The following KRABD5 variants were observed in gnomAD, a reference collection of about 807,000 sequenced individuals.
KRABD5 encodes the protein KRAB domain containing 5, also known as KRAB domain-containing protein 5.
At chr16:31,733,814 C>T in the KRABD5 span, among the ~76,000 whole-genome samples, 1 of 152,288 alleles carries the variant, frequency 6.6e-6, no homozygotes, top group South Asian at 2.1e-4. Flanking sequence ...ATTTTGATTG[C>T]TTCCAGGTAT....
the KRABD5 span, among the ~76,000 whole-genome samples, chr16:31,747,309 G>A: frequency 3.3e-5 from 5 of 152,070 alleles, no homozygotes; most frequent in East Asian, 9.6e-4. Flanking sequence ...TCCCTACAAA[G>A]GACATGAACT....
the KRABD5 span, among the ~76,000 whole-genome samples, chr16:31,728,074 C>T: frequency 6.6e-6 from 1 of 152,100 alleles, no homozygotes. Flanking sequence ...AGGCTGGTCT[C>T]CAAATCCTGG....
the KRABD5 span, among the ~76,000 whole-genome samples, chr16:31,746,151 C>T: frequency 6.6e-6 from 1 of 152,080 alleles, no homozygotes; most frequent in Non-Finnish European, 1.5e-5. Context: ...GAATTTGATC[C>T]CGTCATCATG....
the KRABD5 span, among the ~76,000 whole-genome samples, chr16:31,715,460 T>C: frequency 5.3e-5 from 8 of 152,314 alleles, no homozygotes; most frequent in Non-Finnish European, 1.0e-4. Flanking sequence ...TCCCCACTCC[T>C]TTCTCTTGCC....
the KRABD5 span, among the ~76,000 whole-genome samples, chr16:31,732,455 G>C: frequency 2.0e-5 from 3 of 152,080 alleles, no homozygotes; most frequent in African/African-American, 7.2e-5. Context: ...GATTACTAGT[G>C]GGTACCACAT....
At chr16:31,738,679 TA>T in the KRABD5 span, among the ~76,000 whole-genome samples, 2 of 152,160 alleles carry the variant, frequency 1.3e-5, no homozygotes, top group African/African-American at 4.8e-5. Context: ...ATAAAGTAAT[TA>T]CTGAAAGGTA....
the KRABD5 span, among the ~76,000 whole-genome samples, chr16:31,745,058 T>C: frequency 6.6e-6 from 1 of 152,166 alleles, no homozygotes; most frequent in Admixed American, 6.6e-5. Context: ...TGTTAGCTTT[T>C]TCAAAAAACT....
the KRABD5 span, chr16:31,713,408 G>A: frequency 6.2e-7 from 1 of 1,604,066 alleles, no homozygotes; most frequent in Non-Finnish European, 8.5e-7. Context: ...TAGCTCAGAC[G>A]CCAGGACATC....
chr16:31,754,830 G>A, the KRABD5 span: 38 of 469,208 alleles, frequency 8.1e-5, no homozygotes, highest in South Asian at 1.4e-4. Flanking sequence ...TTTAACCATC[G>A]TTCACACCTT....
chr16:31,719,099 G>T, the KRABD5 span, among the ~76,000 whole-genome samples: 2 of 152,164 alleles, frequency 1.3e-5, no homozygotes, highest in Non-Finnish European at 2.9e-5. Context: ...AAAAACATTT[G>T]TAGCAGCCAT....
At chr16:31,739,970 C>T in the KRABD5 span, among the ~76,000 whole-genome samples, 1 of 152,156 alleles carries the variant, frequency 6.6e-6, no homozygotes, top group East Asian at 1.9e-4. Context: ...TATTTTGGCC[C>T]ATCCCTTTAT....
At chr16:31,722,884 A>AT in the KRABD5 span, 1 of 1,124,346 alleles carries the variant, frequency 8.9e-7, no homozygotes, top group Non-Finnish European at 1.2e-6. Context: ...AGGAAAAAAA[A>AT]ATTGTGGGTT....
chr16:31,738,401 T>A, the KRABD5 span, among the ~76,000 whole-genome samples: 36 of 152,178 alleles, frequency 2.4e-4, no homozygotes, highest in Non-Finnish European at 7.4e-5. Flanking sequence ...GCATATATGT[T>A]AATATTTATT....
At chr16:31,737,954 A>C in the KRABD5 span, among the ~76,000 whole-genome samples, 1 of 152,168 alleles carries the variant, frequency 6.6e-6, no homozygotes, top group African/African-American at 2.4e-5. Flanking sequence ...CAAAATCTTG[A>C]ACAAAAGTGT....
chr16:31,726,023 CT>C, the KRABD5 span, among the ~76,000 whole-genome samples: 1 of 152,066 alleles, frequency 6.6e-6, no homozygotes, highest in Non-Finnish European at 1.5e-5. Context: ...GTTGATTGTG[CT>C]TTTTTGGTGT....
chr16:31,749,433 G>A, the KRABD5 span, among the ~76,000 whole-genome samples: 1 of 152,226 alleles, frequency 6.6e-6, no homozygotes, highest in Non-Finnish European at 1.5e-5. Context: ...CTGCCAAGGA[G>A]CTCAAATGGC....
the KRABD5 span, chr16:31,733,777 G>A: frequency 2.7e-6 from 1 of 367,516 alleles, no homozygotes; most frequent in African/African-American, 2.1e-5. Flanking sequence ...TGCCACATTT[G>A]TTTAATCTGC....
chr16:31,740,597 CA>C, the KRABD5 span, among the ~76,000 whole-genome samples: 8 of 151,504 alleles, frequency 5.3e-5, no homozygotes, highest in African/African-American at 1.5e-4. Flanking sequence ...CACTTGAGGC[CA>C]GCCTGGGCAG....
chr16:31,713,281 C>CT, the KRABD5 span: 1 of 1,064,614 alleles, frequency 9.4e-7, no homozygotes, highest in Non-Finnish European at 1.4e-6. Flanking sequence ...GCAGTAAGAG[C>CT]TCAGTCTCTT....
Sources: gnomAD v4.1 joint callset for allele counts (sites outside exome capture counted in the v4.1 genomes callset) on GRCh38, gnomAD v4.1.1 for gene constraint, MANE v1.5 for transcripts, NCBI Gene and HGNC (gene_info 2026-07-23, HGNC 2026-07-21) for gene names.